Variants in WWOX observed in about 807,000 individuals in gnomAD.
WWOX encodes the protein WW domain-containing oxidoreductase.
WWOX carries 69 observed loss-of-function variants against 46.2 expected under a neutral mutation model. The observed-to-expected ratio is 1.49, with a 90% confidence interval of 1.23 to 1.82. WWOX has a LOEUF of 1.82. WWOX is among the 40% of genes most tolerant of loss of function. The pLI, the probability that WWOX is intolerant of heterozygous loss-of-function variation, is 0.00. For synonymous variants in WWOX, 359 were observed against 202.6 expected, an observed-to-expected ratio of 1.77 and a Z score of -6.56; for missense variants, 919 against 542.6, an observed-to-expected ratio of 1.69 and a Z score of -6.89.
chr16:78,352,127 T>C (rs11649146), intron 5 of WWOX, among the ~76,000 whole-genome samples: 107,276 of 152,112 alleles, frequency 0.71, 38,672 homozygotes, highest in African/African-American at 0.76. Context: ...CCTCGGCCTA[T>C]GCGATTGTGA....
At chr16:78,965,189 C>T (rs894701177) in intron 8 of WWOX, among the ~76,000 whole-genome samples, 2 of 152,210 alleles carry the variant, frequency 1.3e-5, no homozygotes, top group African/African-American at 4.8e-5. Context: ...GCTCTTTAAA[C>T]CTCATATGTT....
intron 8 of WWOX, among the ~76,000 whole-genome samples, chr16:78,956,050 T>C (rs549076524): frequency 6.6e-6 from 1 of 152,056 alleles, no homozygotes; most frequent in South Asian, 2.1e-4. Flanking sequence ...GGAGCCAAAA[T>C]TGAGCAGAAA....
chr16:79,136,680 G>T (rs372041342), intron 8 of WWOX, among the ~76,000 whole-genome samples: 2 of 152,116 alleles, frequency 1.3e-5, no homozygotes, highest in Non-Finnish European at 2.9e-5. Context: ...TTCCTCACCG[G>T]GTCCTTTCTA....
At chr16:78,507,862 C>G (rs1430760811) in intron 8 of WWOX, among the ~76,000 whole-genome samples, 2 of 152,138 alleles carry the variant, frequency 1.3e-5, no homozygotes, top group African/African-American at 2.4e-5. Flanking sequence ...ACCCATGGCC[C>G]CCGGGTCGCA....
intron 8 of WWOX, among the ~76,000 whole-genome samples, chr16:78,772,414 C>G (rs1164261948): frequency 6.6e-6 from 1 of 152,062 alleles, no homozygotes; most frequent in Non-Finnish European, 1.5e-5. Context: ...GGTGTATATT[C>G]ACTACTTTTT....
At chr16:78,791,299 T>C (rs780049499) in intron 8 of WWOX, among the ~76,000 whole-genome samples, 6 of 152,152 alleles carry the variant, frequency 3.9e-5, no homozygotes, top group Non-Finnish European at 5.9e-5. Flanking sequence ...TGTCTGGTGA[T>C]GTGCTGGGTG....
chr16:78,140,655 G>C (rs1157736457), intron 4 of WWOX, among the ~76,000 whole-genome samples: 1 of 152,032 alleles, frequency 6.6e-6, no homozygotes, highest in African/African-American at 2.4e-5. Flanking sequence ...ATTACTGTTT[G>C]TCTCTGTTTT....
intron 5 of WWOX, among the ~76,000 whole-genome samples, chr16:78,207,887 A>G (rs1243172776): frequency 6.6e-6 from 1 of 151,744 alleles, no homozygotes; most frequent in Non-Finnish European, 1.5e-5. Context: ...ATCTTGGTTC[A>G]CTGCAGCATC....
intron 8 of WWOX, among the ~76,000 whole-genome samples, chr16:78,779,422 C>T (rs2050271025): frequency 6.6e-6 from 1 of 152,244 alleles, no homozygotes; most frequent in East Asian, 1.9e-4. Flanking sequence ...AGGTAAGAGC[C>T]ACCGTGTCCG....
chr16:78,105,750 G>A (rs2032098905), intron 1 of WWOX, among the ~76,000 whole-genome samples: 1 of 152,142 alleles, frequency 6.6e-6, no homozygotes, highest in Non-Finnish European at 1.5e-5. Context: ...TTCTATGCCA[G>A]CCTGCCTGCC....
At chr16:78,515,765 C>T (rs904904383) in intron 8 of WWOX, among the ~76,000 whole-genome samples, 3 of 152,190 alleles carry the variant, frequency 2.0e-5, no homozygotes, top group East Asian at 3.8e-4. Context: ...ACAGTTTCTT[C>T]TGCAAAGGTA....
chr16:78,755,943 G>T (rs2049635559), intron 8 of WWOX, among the ~76,000 whole-genome samples: 1 of 152,146 alleles, frequency 6.6e-6, no homozygotes, highest in Admixed American at 6.5e-5. Context: ...ATATGCCAAG[G>T]AGACAGTTTT....
rs869088414 is a variant in WWOX, at chr16:78,994,969, C to CTTTTT, written c.1057-216624_1057-216620dup. On this transcript the variant is annotated intron_variant, in intron 8 of 8. Coordinates refer to ENST00000566780, the MANE Select transcript of WWOX (RefSeq NM_016373.4). ...TCTTTCTTTTCTTCTTCTTCTTCTTCTTTTTTTTTTTTTTTTTTTGTTTTT... is the reference window on the plus strand; with the variant it reads ...TCTTTCTTTTCTTCTTCTTCTTCTTCTTTTTTTTTTTTTTTTTTTTTTTTGTTTTT... Among the ~76,000 whole-genome samples the CTTTTT allele has an allele frequency of 4.6e-3, 524 of 114,622 alleles. 2 individuals are homozygous for CTTTTT. Among genetic ancestry groups the CTTTTT allele is most frequent in the Non-Finnish European group, 6.6e-3 (386 of 58,784 alleles). The allele number at this position is 114,622 out of a possible 152,430, so 75.2% of individuals were successfully genotyped here.
At chr16:78,485,547 T>A (rs1181938935) in intron 8 of WWOX, among the ~76,000 whole-genome samples, 1 of 152,198 alleles carries the variant, frequency 6.6e-6, no homozygotes, top group Admixed American at 6.5e-5. Context: ...TTCCACAACA[T>A]ACTAAATTAA....
intron 8 of WWOX, among the ~76,000 whole-genome samples, chr16:78,947,310 G>A (rs376819844): frequency 6.6e-6 from 1 of 152,168 alleles, no homozygotes; most frequent in African/African-American, 2.4e-5. Flanking sequence ...ATAAAGGCAG[G>A]AACGCTGTCA....
chr16:79,190,248 C>T (rs1413396083), intron 8 of WWOX, among the ~76,000 whole-genome samples: 5 of 152,116 alleles, frequency 3.3e-5, no homozygotes, highest in Non-Finnish European at 7.4e-5. Context: ...TGGTCTCGAA[C>T]TCCTGACCTC....
intron 5 of WWOX, among the ~76,000 whole-genome samples, chr16:78,262,625 A>G (rs1388883154): frequency 1.3e-5 from 2 of 152,120 alleles, no homozygotes; most frequent in African/African-American, 4.8e-5. Flanking sequence ...ATGAAGTATA[A>G]TCTAATGAGA....
At position 78,425,853 on chromosome 16, in the gene WWOX, C is replaced by T. The variant is rs371240599; in HGVS notation, c.791+798C>T. ...GCAAAGTAGCTAGAAAAAAAAATAA[C>T]GTGCAAGGGGCCTATTTTTTCCTCC... On this transcript the variant is annotated intron_variant, in intron 7 of 8. Coordinates refer to ENST00000566780, the MANE Select transcript of WWOX (RefSeq NM_016373.4). 2.6e-5 allele frequency among the ~76,000 whole-genome samples: 4 copies of T among 152,006 alleles called. No homozygotes were observed. In the East Asian group the frequency reaches 5.8e-4, roughly 22 times the overall value.
intron 8 of WWOX, among the ~76,000 whole-genome samples, chr16:78,914,789 G>C (rs943921062): frequency 3.4e-5 from 5 of 149,118 alleles, no homozygotes; most frequent in Non-Finnish European, 7.4e-5. Flanking sequence ...TGAGGCAGGA[G>C]AATGGCGTGA....
Sources: gnomAD v4.1 joint callset for allele counts (sites outside exome capture counted in the v4.1 genomes callset) on GRCh38, gnomAD v4.1.1 for gene constraint, MANE v1.5 for transcripts, NCBI Gene and HGNC (gene_info 2026-07-23, HGNC 2026-07-21) for gene names.